Variants in SMOC2 observed in about 807,000 individuals in gnomAD.
SMOC2 encodes the protein SPARC related modular calcium binding 2.
A neutral mutation model predicts 61.4 loss-of-function variants in SMOC2; 39 were observed. The observed-to-expected ratio is 0.64, with a 90% CI of 0.49 to 0.83. SMOC2 has a LOEUF of 0.83. SMOC2 is among the 40% of genes least tolerant of loss of function. The pLI is 0.00. For missense variants in SMOC2, 556 were observed against 592.9 expected, an observed-to-expected ratio of 0.94 and a Z score of 0.65; for synonymous variants, 247 against 239.9, an observed-to-expected ratio of 1.03 and a Z score of -0.27.
At chr6:168,560,557 C>T (rs13209090) in intron 7 of SMOC2, among the ~76,000 whole-genome samples, 4,558 of 126,442 alleles carry the variant, frequency 0.036, 273 homozygotes, top group Middle Eastern at 0.064. Context: ...CCCTGAGACA[C>T]GAGGCTCTCA....
intron 8 of SMOC2, among the ~76,000 whole-genome samples, chr6:168,606,829 G>A (rs1467897103): frequency 1.3e-5 from 2 of 152,088 alleles, no homozygotes; most frequent in African/African-American, 2.4e-5. Flanking sequence ...GACTGCACCT[G>A]TGCCCCATGA....
intron 7 of SMOC2, among the ~76,000 whole-genome samples, chr6:168,574,453 T>G (rs980817248): frequency 2.5e-4 from 38 of 152,162 alleles, no homozygotes; most frequent in African/African-American, 9.7e-5. Context: ...TGGAAATCCC[T>G]GGGAGAGTGA....
At chr6:168,526,322 C>T (rs761095337) in intron 2 of SMOC2, 24 bp from the exon 3 acceptor site, 14 of 1,596,700 alleles carry the variant, frequency 8.8e-6, no homozygotes, top group Non-Finnish European at 1.1e-5. Flanking sequence ...CATAACCACA[C>T]CTCTGCCCTG....
rs74506873 is a variant in SMOC2 at position 168,529,761 on chromosome 6, T to C, written c.463+2034T>C. 1.8e-3 allele frequency among the ~76,000 whole-genome samples: 270 copies of C among 152,356 alleles called. 5 individuals carry two copies. In the East Asian group the frequency reaches 0.045, roughly 25 times the overall value. ...TAAATTCATACTGGAATTTAACTTC[T>C]TCCTGAAAGTTATATAATGCAGAGA... On this transcript the variant is annotated intron_variant, in intron 4 of 12. Coordinates refer to ENST00000356284, the MANE Select transcript of SMOC2 (RefSeq NM_001166412.2).
Position 168,611,177 on chromosome 6 carries a change from G to A in SMOC2, c.907+2938G>A, listed in dbSNP as rs1449115058. 3.3e-5 allele frequency among the ~76,000 whole-genome samples: 5 copies of A among 152,172 alleles called. No homozygotes were observed. In the South Asian group the frequency reaches 6.2e-4, roughly 19 times the overall value. On this transcript the variant is annotated intron_variant, in intron 9 of 12. Coordinates refer to ENST00000356284, the MANE Select transcript of SMOC2 (RefSeq NM_001166412.2). The stretch of plus-strand genomic sequence containing the variant: ...GAGCTGTGGCTCCTGTGTCGGGGCC[G>A]TGGTGTGTCTGTTGGGCCCTATGTG...
At chr6:168,442,827 T>G (rs1212498512) in intron 1 of SMOC2, among the ~76,000 whole-genome samples, 1 of 152,210 alleles carries the variant, frequency 6.6e-6, no homozygotes, top group East Asian at 1.9e-4. Flanking sequence ...GTCCCTGCCT[T>G]GTGTCTCACA....
intron 8 of SMOC2, among the ~76,000 whole-genome samples, chr6:168,605,093 G>A (rs1785653352): frequency 6.6e-6 from 1 of 152,160 alleles, no homozygotes; most frequent in Admixed American, 6.5e-5. Context: ...GAATGGGAAG[G>A]GGCCATCAGA....
intron 11 of SMOC2, among the ~76,000 whole-genome samples, chr6:168,655,777 T>G (rs1314021914): frequency 6.6e-6 from 1 of 152,178 alleles, no homozygotes; most frequent in Non-Finnish European, 1.5e-5. Flanking sequence ...CCACTGCACA[T>G]GTGTGCCAGA....
Position 168,553,975 on chromosome 6 carries a change from T to G in SMOC2, c.637+4772T>G, listed in dbSNP as rs1459799373. On this transcript the variant is annotated intron_variant, in intron 7 of 12. Transcript: ENST00000356284. This position sits in a 1 kb window ranked among gnomAD's most constrained non-coding sequence, Gnocchi z 4.2. Reference sequence around the variant, plus strand: ...ACCAGGTATCAGCGTTTTTCACGTTTTGGTAGGAAGATTATTCCATGGGAC... The same window carrying G: ...ACCAGGTATCAGCGTTTTTCACGTTGTGGTAGGAAGATTATTCCATGGGAC... Among the ~76,000 whole-genome samples, 1 of 145,276 alleles carries G rather than the reference T, an allele frequency of 6.9e-6. No individual in the cohort carries two copies. The highest frequency in any genetic ancestry group is 1.5e-5 in the Non-Finnish European group (1 of 66,858).
intron 7 of SMOC2, among the ~76,000 whole-genome samples, chr6:168,596,674 C>T (rs60325790): frequency 0.35 from 52,507 of 152,186 alleles, 9,641 homozygotes; most frequent in Middle Eastern, 0.46. Context: ...TTTCGCACAA[C>T]CCCTGCTGTT....
At chr6:168,575,621 G>T (rs1212163368) in intron 7 of SMOC2, among the ~76,000 whole-genome samples, 1 of 152,194 alleles carries the variant, frequency 6.6e-6, no homozygotes, top group Non-Finnish European at 1.5e-5. Flanking sequence ...ACTGTGGGAT[G>T]CAGAACACAG....
intron 7 of SMOC2, among the ~76,000 whole-genome samples, chr6:168,563,266 G>A (rs1001907683): frequency 2.7e-5 from 4 of 150,418 alleles, no homozygotes; most frequent in Non-Finnish European, 4.4e-5. Context: ...CAATATCGAT[G>A]TATGTATGTA....
intron 1 of SMOC2, among the ~76,000 whole-genome samples, chr6:168,447,006 G>A (rs998115678): frequency 6.6e-6 from 1 of 152,162 alleles, no homozygotes; most frequent in Non-Finnish European, 1.5e-5. Flanking sequence ...AGCATGTCCA[G>A]GCTACGTTCT....
chr6:168,586,395 A>G (rs1304318850), intron 7 of SMOC2, among the ~76,000 whole-genome samples: 1 of 152,134 alleles, frequency 6.6e-6, no homozygotes, highest in Non-Finnish European at 1.5e-5. Context: ...TACTGGCTTT[A>G]TAATGATTTT....
intron 1 of SMOC2, among the ~76,000 whole-genome samples, chr6:168,472,813 A>G (rs2115015152): frequency 6.6e-6 from 1 of 152,218 alleles, no homozygotes; most frequent in East Asian, 1.9e-4. Context: ...CTAATACTAT[A>G]GGGGAAATGG....
At chr6:168,507,374 T>C (rs2115049062) in intron 1 of SMOC2, among the ~76,000 whole-genome samples, 1 of 152,320 alleles carries the variant, frequency 6.6e-6, no homozygotes, top group Non-Finnish European at 1.5e-5. Context: ...TGCAGGTTCA[T>C]GTTTTCTTTC....
Position 168,490,417 on chromosome 6 carries a change from C to T in SMOC2, c.85-19498C>T, listed in dbSNP as rs1407910269. 3.9e-5 allele frequency among the ~76,000 whole-genome samples: 6 copies of T among 152,260 alleles called. No individual in the cohort carries two copies. In the East Asian group the frequency reaches 1.2e-3, roughly 30 times the overall value. On this transcript the variant is annotated intron_variant, in intron 1 of 12. Coordinates refer to ENST00000356284, the MANE Select transcript of SMOC2 (RefSeq NM_001166412.2). ...TCGTCAAGGCGCGCAGCATACAAGG[C>T]ATTGTCACACCAGGTGGGCTCCAGA... is the stretch of plus-strand genomic sequence containing the variant.
chr6:168,635,885 A>AAAG (rs34631336), intron 9 of SMOC2, among the ~76,000 whole-genome samples: 2 of 151,290 alleles, frequency 1.3e-5, no homozygotes, highest in African/African-American at 4.9e-5. Context: ...AAAAAAAAAA[A>AAAG]GTTTACTGGT....
Position 168,488,492 on chromosome 6 carries a change from C to T in SMOC2, c.85-21423C>T, listed in dbSNP as rs1421632649. On this transcript the variant is annotated intron_variant, in intron 1 of 12. Coordinates refer to ENST00000356284, the MANE Select transcript of SMOC2 (RefSeq NM_001166412.2). ...GCTCCTCCTGGGGCTGTGAAGAGCACCTGTTTCTGGCCTGTCTCCACTCCT... is the reference window on the plus strand; with the variant it reads ...GCTCCTCCTGGGGCTGTGAAGAGCATCTGTTTCTGGCCTGTCTCCACTCCT... Among the ~76,000 whole-genome samples the T allele has an allele frequency of 3.3e-5, 5 of 152,220 alleles. No homozygotes were observed. In the East Asian group the frequency reaches 9.6e-4, roughly 29 times the overall value.
Sources: gnomAD v4.1 joint callset for allele counts (sites outside exome capture counted in the v4.1 genomes callset) on GRCh38, gnomAD v4.1.1 for gene constraint, Gnocchi (gnomAD v3.1) non-coding constraint, MANE v1.5 for transcripts, NCBI Gene and HGNC (gene_info 2026-07-23, HGNC 2026-07-21) for gene names.